Variants in ZNF385D observed in about 807,000 individuals in gnomAD.
ZNF385D encodes zinc finger protein 385D, also known as zinc finger protein 659.
A neutral mutation model predicts 35.8 loss-of-function variants in ZNF385D; 15 were observed. The ratio of observed to expected loss-of-function variants is 0.42; its 90% confidence interval spans 0.28 to 0.64. The LOEUF is 0.64. Ranked by LOEUF, ZNF385D falls within the 30% of genes least tolerant of loss-of-function variation. The pLI is 0.23. For missense variants in ZNF385D, 474 were observed against 494.6 expected (o/e 0.96, Z 0.39); for synonymous variants, 212 against 186.8 (o/e 1.13, Z -1.10).
intron 2 of ZNF385D, among the ~76,000 whole-genome samples, chr3:22,216,502 G>A (rs1426225430): frequency 1.3e-5 from 2 of 152,038 alleles, no homozygotes; most frequent in South Asian, 4.1e-4. Context: ...AGAGTGAGGA[G>A]GTAGAGGTTT....
Position 22,280,594 on chromosome 3 carries a change from T to C in ZNF385D, c.106+91856A>G, listed in dbSNP as rs376255759. Among the ~76,000 whole-genome samples the C allele has an allele frequency of 2.0e-5, 3 of 152,156 alleles. No homozygotes were observed. In the East Asian group the frequency reaches 5.8e-4, roughly 29 times the overall value. The stretch of plus-strand genomic sequence containing the variant: ...AATTGGCTGTAAGTATTTGGCTTTA[T>C]TTCTGGGTTCTCCATTCGTCCCATT... On this transcript the variant is annotated intron_variant, in intron 2 of 5. Transcript: ENST00000494108.
intron 2 of ZNF385D, among the ~76,000 whole-genome samples, chr3:22,265,453 G>T (rs925708859): frequency 9.2e-5 from 14 of 151,954 alleles, no homozygotes; most frequent in Non-Finnish European, 1.5e-5. Flanking sequence ...CATTTACAGA[G>T]CAGAAACATT....
intron 1 of ZNF385D, among the ~76,000 whole-genome samples, chr3:21,745,931 T>A (rs2069747513): frequency 6.6e-6 from 1 of 152,218 alleles, no homozygotes; most frequent in African/African-American, 2.4e-5. Flanking sequence ...AATGTCTATC[T>A]TATTAAGTCA....
intron 3 of ZNF385D, among the ~76,000 whole-genome samples, chr3:21,974,430 G>A (rs1185938197): frequency 6.6e-6 from 1 of 152,078 alleles, no homozygotes; most frequent in East Asian, 1.9e-4. Flanking sequence ...ATACCAAAAT[G>A]GATTAAACAC....
At chr3:22,118,150 T>C (rs187435597) in intron 3 of ZNF385D, among the ~76,000 whole-genome samples, 2 of 152,228 alleles carry the variant, frequency 1.3e-5, no homozygotes, top group Admixed American at 6.5e-5. Context: ...AAATGAAGCG[T>C]ACTTTACTTA....
At chr3:21,815,796 T>C (rs564975893) in intron 3 of ZNF385D, among the ~76,000 whole-genome samples, 6 of 152,078 alleles carry the variant, frequency 3.9e-5, no homozygotes, top group South Asian at 4.1e-4. Context: ...TTCCAATCAA[T>C]AGAAAAAGAG....
At chr3:21,460,890 A>C (rs568016816) in intron 4 of ZNF385D, among the ~76,000 whole-genome samples, 1 of 152,272 alleles carries the variant, frequency 6.6e-6, no homozygotes, top group African/African-American at 2.4e-5. Context: ...AAAAATATTA[A>C]GTTGTTTACC....
chr3:22,171,878 A>T (rs75051693), intron 2 of ZNF385D, among the ~76,000 whole-genome samples: 15 of 40,784 alleles, frequency 3.7e-4, no homozygotes, highest in Non-Finnish European at 8.0e-4. Context: ...CTCGGTCTCA[A>T]AAAAAAAAAA....
chr3:22,158,209 G>C (rs915084987), intron 3 of ZNF385D, among the ~76,000 whole-genome samples: 1 of 152,008 alleles, frequency 6.6e-6, no homozygotes, highest in African/African-American at 2.4e-5. Context: ...GGGCAGGTGA[G>C]TTATATCTGA....
intron 3 of ZNF385D, among the ~76,000 whole-genome samples, chr3:22,088,948 T>A (rs1379056273): frequency 2.0e-5 from 3 of 152,164 alleles, no homozygotes; most frequent in Non-Finnish European, 4.4e-5. Context: ...TTAAAATGAC[T>A]TTTTTTAAAG....
At chr3:22,149,589 C>A (rs193249730) in intron 3 of ZNF385D, among the ~76,000 whole-genome samples, 18 of 152,258 alleles carry the variant, frequency 1.2e-4, no homozygotes, top group Middle Eastern at 6.8e-3. Context: ...ATTAAAGCCA[C>A]GACCATAGAG....
chr3:21,634,801 C>G (rs1458762668), intron 2 of ZNF385D, among the ~76,000 whole-genome samples: 1 of 149,174 alleles, frequency 6.7e-6, no homozygotes, highest in African/African-American at 2.5e-5. Flanking sequence ...TCAGTGTGTT[C>G]TATGATTTGG....
intron 2 of ZNF385D, among the ~76,000 whole-genome samples, chr3:21,644,539 C>A (rs760300282): frequency 2.0e-5 from 3 of 152,176 alleles, no homozygotes; most frequent in Non-Finnish European, 4.4e-5. Context: ...GGGAGAAATG[C>A]AAACTCCACA....
Position 21,425,580 on chromosome 3 carries a change from A to G in ZNF385D, c.764T>C (p.Val255Ala), listed in dbSNP as rs1285924539. Residue 255 changes from valine to alanine, a missense_variant, in exon 6 of 8, where the codon GTT (valine) becomes GCT (alanine). Val to Ala is a moderately conservative substitution (Grantham distance 64). Transcript: ENST00000281523. The stretch of plus-strand genomic sequence containing the variant: ...TTGGAGGCCTGTGTTTCCTTTATTA[A>G]CAGGTCCTTTGCCTTTCACTCCTGC... Reference protein sequence around the residue: ...PRAGVKGKGPVNKGNTGLQNK... With the variant: ...PRAGVKGKGPANKGNTGLQNK... The G allele has an allele frequency of 3.4e-5, 54 of 1,611,292 alleles. No homozygotes were observed. The highest frequency in any genetic ancestry group is 4.6e-5 in the Non-Finnish European group (54 of 1,178,792).
chr3:21,891,553 G>A (rs1165974570), intron 3 of ZNF385D, among the ~76,000 whole-genome samples: 1 of 151,946 alleles, frequency 6.6e-6, no homozygotes, highest in African/African-American at 2.4e-5. Flanking sequence ...GTTTATTTCT[G>A]TTTTACTTGT....
At chr3:21,786,378 G>T (rs1345883449) in intron 3 of ZNF385D, among the ~76,000 whole-genome samples, 1 of 152,110 alleles carries the variant, frequency 6.6e-6, no homozygotes, top group Non-Finnish European at 1.5e-5. Flanking sequence ...TACTCCTTTA[G>T]GGAAGTCGGC....
intron 3 of ZNF385D, among the ~76,000 whole-genome samples, chr3:21,519,725 A>G (rs1350243182): frequency 6.6e-6 from 1 of 152,192 alleles, no homozygotes; most frequent in Non-Finnish European, 1.5e-5. Flanking sequence ...CAGAAGCACA[A>G]AAATTTCAAG....
intron 3 of ZNF385D, among the ~76,000 whole-genome samples, chr3:21,973,226 G>T (rs530237271): frequency 6.6e-6 from 1 of 152,062 alleles, no homozygotes; most frequent in East Asian, 1.9e-4. Flanking sequence ...TCATGACCAA[G>T]TTGGACTTTT....
intron 1 of ZNF385D, among the ~76,000 whole-genome samples, chr3:21,705,313 G>C (rs921059200): frequency 6.6e-6 from 1 of 152,070 alleles, no homozygotes; most frequent in African/African-American, 2.4e-5. Context: ...GGACTAATAA[G>C]CTCTTTTAAA....
Sources: allele counts gnomAD v4.1 joint callset (sites outside exome capture counted in the v4.1 genomes callset), GRCh38; gene constraint gnomAD v4.1.1; transcripts MANE v1.5; gene names NCBI Gene and HGNC (gene_info 2026-07-23, HGNC 2026-07-21).